Variants in CDC42BPA observed in about 807,000 individuals in gnomAD.
CDC42BPA encodes the protein serine/threonine-protein kinase MRCK alpha.
CDC42BPA carries 80 observed loss-of-function variants against 223.5 expected under a neutral mutation model. The ratio of observed to expected loss-of-function variants is 0.36; its 90% CI spans 0.30 to 0.43. CDC42BPA has a LOEUF of 0.43. Ranked by LOEUF, CDC42BPA falls within the 20% of genes least tolerant of loss-of-function variation. The pLI, the probability that CDC42BPA is intolerant of heterozygous loss-of-function variation, is 1.00. For missense variants in CDC42BPA, 1,743 were observed against 2,099.9 expected (o/e 0.83, Z 3.32); for synonymous variants, 694 against 718.6 (o/e 0.97, Z 0.55).
chr1:227,280,518 T>C (rs1687844701), intron 1 of CDC42BPA, among the ~76,000 whole-genome samples: 1 of 152,226 alleles, frequency 6.6e-6, no homozygotes, highest in African/African-American at 2.4e-5. Flanking sequence ...AGATGGATTT[T>C]AGAAGACTAA....
At chr1:227,232,999 C>A (rs934422364) in intron 2 of CDC42BPA, among the ~76,000 whole-genome samples, 2 of 152,190 alleles carry the variant, frequency 1.3e-5, no homozygotes, top group Admixed American at 6.5e-5. Flanking sequence ...CCTTGCAGTT[C>A]GATCTCAGAC....
intron 1 of CDC42BPA, among the ~76,000 whole-genome samples, chr1:227,268,327 A>C (rs1335347649): frequency 6.6e-6 from 1 of 152,132 alleles, no homozygotes; most frequent in Non-Finnish European, 1.5e-5. Context: ...TATTTATTGT[A>C]GCCTTTACAG....
chr1:227,107,682 T>A (rs1341318798), intron 14 of CDC42BPA, among the ~76,000 whole-genome samples: 1 of 152,218 alleles, frequency 6.6e-6, no homozygotes, highest in Non-Finnish European at 1.5e-5. Context: ...AGGTGGCCTG[T>A]CTTTTTTTAA....
At chr1:227,132,815 C>T (rs1427310164) in intron 10 of CDC42BPA, among the ~76,000 whole-genome samples, 11 of 147,986 alleles carry the variant, frequency 7.4e-5, no homozygotes, top group African/African-American at 1.7e-4. Context: ...CGCCTCTGCC[C>T]GGCCGCAACC....
chr1:227,125,583 T>A (rs541125032), intron 11 of CDC42BPA, among the ~76,000 whole-genome samples: 74 of 132,320 alleles, frequency 5.6e-4, no homozygotes, highest in African/African-American at 1.7e-3. Flanking sequence ...GGGAACAGAG[T>A]GAGACTCTGT....
chr1:227,090,377 T>C (rs1558474547), intron 16 of CDC42BPA, among the ~76,000 whole-genome samples: 1 of 152,202 alleles, frequency 6.6e-6, no homozygotes, highest in Non-Finnish European at 1.5e-5. Context: ...TCAAGGTCTT[T>C]CAGTCTGTTA....
At chr1:227,219,062 T>C (rs1168972375) in intron 2 of CDC42BPA, among the ~76,000 whole-genome samples, 1 of 152,162 alleles carries the variant, frequency 6.6e-6, no homozygotes, top group Non-Finnish European at 1.5e-5. Context: ...GACTGAAGAC[T>C]AGCACCATCA....
intron 6 of CDC42BPA, among the ~76,000 whole-genome samples, chr1:227,149,949 C>T (rs1571988659): frequency 1.3e-5 from 2 of 152,060 alleles, no homozygotes; most frequent in African/African-American, 2.4e-5. Context: ...AGAGGTTGAG[C>T]GCAGTGGCTC....
chr1:227,191,283 T>G (rs949703448), intron 5 of CDC42BPA, among the ~76,000 whole-genome samples: 3 of 143,560 alleles, frequency 2.1e-5, no homozygotes, highest in Admixed American at 1.5e-4. Context: ...AGGCGGAGGC[T>G]GCAGTGAGCC....
chr1:227,222,746 A>T (rs1676164505), intron 2 of CDC42BPA, among the ~76,000 whole-genome samples: 1 of 152,166 alleles, frequency 6.6e-6, no homozygotes, highest in Non-Finnish European at 1.5e-5. Flanking sequence ...TATTGAACCT[A>T]AGTATAAGAA....
intron 1 of CDC42BPA, among the ~76,000 whole-genome samples, chr1:227,256,126 A>G (rs1282405415): frequency 6.6e-6 from 1 of 152,230 alleles, no homozygotes; most frequent in Non-Finnish European, 1.5e-5. Flanking sequence ...TCTCCAAAGA[A>G]GATAAATAAA....
intron 1 of CDC42BPA, among the ~76,000 whole-genome samples, chr1:227,280,471 G>A (rs974264924): frequency 1.3e-5 from 2 of 152,142 alleles, no homozygotes; most frequent in Admixed American, 6.5e-5. Context: ...AAATGGGAGT[G>A]GAAAGAAAAT....
intron 23 of CDC42BPA, among the ~76,000 whole-genome samples, chr1:227,043,846 G>C (rs1360807007): frequency 1.3e-5 from 2 of 152,078 alleles, no homozygotes; most frequent in Non-Finnish European, 2.9e-5. Flanking sequence ...TAATGAATCT[G>C]TATGGAGGTT....
intron 1 of CDC42BPA, among the ~76,000 whole-genome samples, chr1:227,271,060 G>A (rs192587221): frequency 5.3e-4 from 80 of 152,234 alleles, no homozygotes; most frequent in Admixed American, 4.4e-3. Context: ...TGGCATGTAA[G>A]TACCTGTTTG....
At chr1:227,238,038 C>CAAAAA (rs35731369) in intron 2 of CDC42BPA, among the ~76,000 whole-genome samples, 2 of 91,296 alleles carry the variant, frequency 2.2e-5, no homozygotes, top group African/African-American at 9.3e-5. Context: ...AACTCTGTCT[C>CAAAAA]AAAAAAAAAA....
chr1:227,087,466 A>G (rs1474338535), intron 16 of CDC42BPA, among the ~76,000 whole-genome samples: 1 of 152,208 alleles, frequency 6.6e-6, no homozygotes, highest in East Asian at 1.9e-4. Flanking sequence ...ACATAGTGTT[A>G]ATCCTCCGAC....
intron 25 of CDC42BPA, 111 bp downstream of exon 25, chr1:227,035,360 T>G: frequency 3.9e-6 from 3 of 774,848 alleles, no homozygotes; most frequent in Non-Finnish European, 6.1e-6. Context: ...TAGATGAATT[T>G]TATTCATTTA....
chr1:227,299,964 G>T (rs1041177690), intron 1 of CDC42BPA, among the ~76,000 whole-genome samples: 1 of 152,096 alleles, frequency 6.6e-6, no homozygotes, highest in Admixed American at 6.6e-5. Context: ...GTTAGAAAGC[G>T]GACCAGTTTT....
intron 21 of CDC42BPA, among the ~76,000 whole-genome samples, chr1:227,056,997 T>C (rs1056004645): frequency 2.6e-5 from 4 of 152,204 alleles, no homozygotes; most frequent in Non-Finnish European, 5.9e-5. Flanking sequence ...AGAAAATTTA[T>C]TCTCAAGTTA....
Sources: allele counts gnomAD v4.1 joint callset (sites outside exome capture counted in the v4.1 genomes callset), GRCh38; gene constraint gnomAD v4.1.1; transcripts MANE v1.5; gene names NCBI Gene and HGNC (gene_info 2026-07-23, HGNC 2026-07-21).